Variants in GATAD1 observed in about 807,000 individuals in gnomAD.
The protein encoded by GATAD1 is GATA zinc finger domain-containing protein 1.
A neutral mutation model predicts 26.5 loss-of-function variants in GATAD1; 12 were observed. That is an observed-to-expected ratio of 0.45 (90% CI 0.29 to 0.73). The LOEUF (loss-of-function observed/expected upper bound fraction) is 0.73. GATAD1 is among the 30% of genes least tolerant of loss of function. The pLI, the probability that GATAD1 is intolerant of heterozygous loss-of-function variation, is 0.10. For missense variants in GATAD1, 266 were observed against 342.1 expected (o/e 0.78, Z 1.75); for synonymous variants, 129 against 133.1 (o/e 0.97, Z 0.21).
the GATAD1 span, chr7:92,492,925 G>A: frequency 1.9e-6 from 3 of 1,574,322 alleles, no homozygotes; most frequent in Non-Finnish European, 2.6e-6. Context: ...CTCATAAAAT[G>A]TCATAACAAC....
the GATAD1 span, among the ~76,000 whole-genome samples, chr7:92,468,165 G>A: frequency 1.3e-5 from 2 of 152,214 alleles, no homozygotes; most frequent in South Asian, 2.1e-4. Flanking sequence ...GCTCAATTAG[G>A]ATGAACCCAG....
At chr7:92,468,069 A>T in the GATAD1 span, among the ~76,000 whole-genome samples, 1 of 152,098 alleles carries the variant, frequency 6.6e-6, no homozygotes, top group African/African-American at 2.4e-5. Context: ...AAGGAATGGA[A>T]CCTTGGGCCA....
chr7:92,470,525 G>C, the GATAD1 span: 1 of 591,250 alleles, frequency 1.7e-6, no homozygotes, highest in African/African-American at 1.9e-5. Context: ...ACTCAAGTGT[G>C]ATGTATCCAA....
In GATAD1 at chr7:92,458,364, G is replaced by A. The variant is rs769530251; in HGVS notation, c.*1802G>A. 1 of 152,134 alleles carries A rather than the reference G, an allele frequency of 6.6e-6. No homozygotes were observed. Among genetic ancestry groups the A allele is most frequent in the African/African-American group, 2.4e-5 (1 of 41,428 alleles). The allele number at this position is 152,134 out of a possible 1,614,324, so 9.4% of individuals were successfully genotyped here. On this transcript the variant is annotated 3_prime_UTR_variant, in exon 5 of 5. Transcript: ENST00000287957. Reference sequence around the variant, plus strand: ...ATAGTCTCTTGACTACCATTAAAACGAATATTGGGAGGTCATGAAAGTCAT... The same window carrying A: ...ATAGTCTCTTGACTACCATTAAAACAAATATTGGGAGGTCATGAAAGTCAT...
Position 92,447,873 on chromosome 7 carries a change from G to C in GATAD1, c.144G>C (p.Ala48=). 1 of 1,337,190 alleles carries C rather than the reference G, an allele frequency of 7.5e-7. No individual in the cohort carries two copies. The highest frequency in any genetic ancestry group is 9.6e-7 in the Non-Finnish European group (1 of 1,042,422). The allele number at this position is 1,337,190 out of a possible 1,614,324, so 82.8% of individuals were successfully genotyped here. Reference sequence around the variant, plus strand: ...GCAGCGGGGGCGCAGGCTCGGGGGCGGCTGGAGGGACTGGGGGCAGCGGCG... The same window carrying C: ...GCAGCGGGGGCGCAGGCTCGGGGGCCGCTGGAGGGACTGGGGGCAGCGGCG... ...GAGSGGAGSG[A]AGGTGGSGGG... Residue 48 remains alanine, a synonymous_variant, in exon 1 of 5, where the codon GCG becomes GCC. Coordinates refer to ENST00000287957, the MANE Select transcript of GATAD1 (RefSeq NM_021167.5).
the GATAD1 span, among the ~76,000 whole-genome samples, chr7:92,465,836 A>T: frequency 1.3e-5 from 2 of 151,930 alleles, no homozygotes; most frequent in Non-Finnish European, 1.5e-5. Context: ...CCTCGTCTCT[A>T]CTAAAAATAC....
At chr7:92,479,843 G>A in the GATAD1 span, among the ~76,000 whole-genome samples, 1 of 152,064 alleles carries the variant, frequency 6.6e-6, no homozygotes, top group African/African-American at 2.4e-5. Flanking sequence ...GCCTGGATGC[G>A]GTTTTGTATG....
the GATAD1 span, among the ~76,000 whole-genome samples, chr7:92,479,272 A>C: frequency 6.6e-6 from 1 of 152,094 alleles, no homozygotes; most frequent in African/African-American, 2.4e-5. Flanking sequence ...ACCTGGGTGC[A>C]GGCGGGCTGA....
the GATAD1 span, among the ~76,000 whole-genome samples, chr7:92,482,058 A>G: frequency 2.0e-5 from 3 of 152,236 alleles, no homozygotes; most frequent in Non-Finnish European, 4.4e-5. Flanking sequence ...GTAGAAGGTC[A>G]TCAATATATT....
chr7:92,474,929 C>CCCTTTTGTCTATCT, the GATAD1 span: 5 of 152,060 alleles, frequency 3.3e-5, no homozygotes, highest in Non-Finnish European at 7.4e-5. Flanking sequence ...TCACTGTTTA[C>CCCTTTTGTCTATCT]CCTTTTGTCT....
At chr7:92,452,848 A>T (rs1466239695) in intron 3 of GATAD1, among the ~76,000 whole-genome samples, 1 of 152,248 alleles carries the variant, frequency 6.6e-6, no homozygotes, top group East Asian at 1.9e-4. Context: ...ATACATTTGA[A>T]TATGCTGTGT....
chr7:92,467,398 T>C, the GATAD1 span, among the ~76,000 whole-genome samples: 1 of 152,178 alleles, frequency 6.6e-6, no homozygotes, highest in African/African-American at 2.4e-5. Flanking sequence ...TAACCTGACA[T>C]GGAGGGGAGG....
chr7:92,464,203 A>G (rs79917485), downstream of GATAD1, among the ~76,000 whole-genome samples: 6,239 of 152,282 alleles, frequency 0.041, 159 homozygotes, highest in African/African-American at 0.055. Flanking sequence ...TCTCCCAGTT[A>G]GTAAACAAGG....
chr7:92,491,770 A>C, the GATAD1 span, among the ~76,000 whole-genome samples: 1 of 152,184 alleles, frequency 6.6e-6, no homozygotes, highest in Admixed American at 6.5e-5. Flanking sequence ...TCTGGGCTTT[A>C]TTTTTATGTC....
chr7:92,454,655 G>A lies in GATAD1; in HGVS notation c.589G>A (p.Asp197Asn). Residue 197 changes from aspartate (D) to asparagine (N), a missense_variant, in exon 4 of 5, where the codon GAC (aspartate) becomes AAC (asparagine). Asp to Asn is a conservative substitution (Grantham distance 23). Transcript: ENST00000287957. ...CATTCCTACCCTCTCTAGCCCCAGA[G>A]ACCAATTTGATCCCGCCTCCTATAT... is the stretch of plus-strand genomic sequence containing the variant. Reference protein sequence around the residue: ...WLIPTLSSPRDQFDPASYIIG... With the variant: ...WLIPTLSSPRNQFDPASYIIG... 6.2e-7 allele frequency: 1 copy of A among 1,601,238 alleles called. No individual in the cohort carries two copies. The highest frequency in any genetic ancestry group is 8.5e-7 in the Non-Finnish European group (1 of 1,175,764).
chr7:92,485,104 C>A, the GATAD1 span, among the ~76,000 whole-genome samples: 1 of 152,058 alleles, frequency 6.6e-6, no homozygotes, highest in Non-Finnish European at 1.5e-5. Flanking sequence ...CAAGGTTAAT[C>A]GCTCAGTTAA....
chr7:92,450,310 T>C (rs1789372398), intron 2 of GATAD1: 1 of 166,360 alleles, frequency 6.0e-6, no homozygotes, highest in South Asian at 1.6e-4. Context: ...GGAAATGTCT[T>C]TGAGGAGACA....
At chr7:92,480,715 A>C in the GATAD1 span, among the ~76,000 whole-genome samples, 2 of 152,188 alleles carry the variant, frequency 1.3e-5, no homozygotes, top group African/African-American at 2.4e-5. Context: ...AAAACTGGCC[A>C]TGAGGGACAG....
chr7:92,456,913 G>C lies in GATAD1; in HGVS notation c.*351G>C, dbSNP rs1789698784. 5.8e-6 allele frequency: 1 copy of C among 171,658 alleles called. No individual in the cohort carries two copies. Among genetic ancestry groups the C allele is most frequent in the Admixed American group, 6.3e-5 (1 of 15,820 alleles). 10.6% of individuals were successfully genotyped at this position (171,658 alleles called of 1,614,324 possible). A position where few individuals can be genotyped will look rare whatever the true frequency, so the allele number is the denominator to read the frequency against. On this transcript the variant is annotated 3_prime_UTR_variant, in exon 5 of 5. Transcript: ENST00000287957. ...GCACTTTTAGAGGCCGAGGCAGGCG[G>C]ATCACCTGAGGTCGGGAAGTGGATC...
Sources: gnomAD v4.1 joint callset for allele counts (sites outside exome capture counted in the v4.1 genomes callset) on GRCh38, gnomAD v4.1.1 for gene constraint, MANE v1.5 for transcripts, NCBI Gene and HGNC (gene_info 2026-07-23, HGNC 2026-07-21) for gene names.